Variants in SPG7 observed in about 807,000 individuals in gnomAD.
SPG7 encodes SPG7 matrix AAA peptidase subunit, paraplegin, also known as mitochondrial inner membrane m-AAA protease component paraplegin.
A neutral mutation model predicts 81.9 loss-of-function variants in SPG7; 103 were observed. The observed-to-expected ratio is 1.26, with a 90% CI of 1.07 to 1.48. SPG7 has a LOEUF of 1.48. SPG7 is among the 40% of genes most tolerant of loss of function. The pLI is 0.00. For synonymous variants in SPG7, 534 were observed against 444.2 expected (o/e 1.20, Z -2.54); for missense variants, 1,241 against 1,087.3 (o/e 1.14, Z -1.99).
chr16:89,552,284 C>G (rs1471051769), intron 13 of SPG7: 1 of 153,868 alleles, frequency 6.5e-6, no homozygotes. Flanking sequence ...TAGTCTCGAA[C>G]TCCTGGGCTC....
At chr16:89,536,614 GAGGCGGGTGA>G (rs2058426752) in intron 9 of SPG7, 3 of 852,586 alleles carry the variant, frequency 3.5e-6, no homozygotes, top group African/African-American at 1.8e-5. Context: ...TGAGGTGGGT[GAGGCGGGTGA>G]GGGCGGGTGA....
At chr16:89,528,605 T>C (rs1162113958) in intron 5 of SPG7, 5 of 137,538 alleles carry the variant, frequency 3.6e-5, no homozygotes, top group African/African-American at 8.9e-5. Flanking sequence ...GGGATTTGCT[T>C]TTTTTTTTTT....
At position 89,544,671 on chromosome 16, in the gene SPG7, A is replaced by G. The variant is rs1158198018; in HGVS notation, c.1348A>G (p.Ile450Val). ...MDGMGTTDHV[I>V]VLASTNRADI... ...AGGAATGGGTACCACAGACCATGTC[A>G]TCGTCCTGGCGTCCACGAACCGAGC... Residue 450 changes from isoleucine to valine, a missense_variant, in exon 10 of 17, where the codon ATC becomes GTC. By Grantham distance (29) the Ile-to-Val change is conservative. Transcript: ENST00000645818. 1 of 1,613,890 alleles carries G rather than the reference A, an allele frequency of 6.2e-7. No homozygotes were observed. Among genetic ancestry groups the G allele is most frequent in the South Asian group, 1.1e-5 (1 of 91,076 alleles).
intron 2 of SPG7, among the ~76,000 whole-genome samples, chr16:89,512,458 G>A (rs943068581): frequency 6.6e-6 from 1 of 151,996 alleles, no homozygotes; most frequent in Non-Finnish European, 1.5e-5. Flanking sequence ...GATTACAAGC[G>A]CCTGCCAACA....
At position 89,550,525 on chromosome 16, in the gene SPG7, G is replaced by A. The variant is rs1426006851; in HGVS notation, c.1695G>A (p.Lys565=). 4 of 1,613,824 alleles carry A rather than the reference G, an allele frequency of 2.5e-6. No homozygotes were observed. The highest frequency in any genetic ancestry group is 1.1e-5 in the South Asian group (1 of 91,088). The change falls in exon 13 of 17, where the codon AAG becomes AAA. Residue 565 remains lysine (K), a synonymous_variant. Transcript: ENST00000645818. ...CCAAAAAGAGCAAGATCCTGTCCAA[G>A]GAAGAACAGAAAGTGGTTGCGTTTC... ...GTAKKSKILS[K]EEQKVVAFHE...
In SPG7 at chr16:89,536,530, G is replaced by A. The variant is rs188346844; in HGVS notation, c.1324+3894G>A. ...TGAGGCGGGTGAGGTCAGGTGAGGCGGGTGAGGTCAGGTGAGGCAGGTGAG... is the reference window on the plus strand; with the variant it reads ...TGAGGCGGGTGAGGTCAGGTGAGGCAGGTGAGGTCAGGTGAGGCAGGTGAG... On this transcript the variant is annotated intron_variant, in intron 9 of 16. Coordinates refer to ENST00000645818, the MANE Select transcript of SPG7 (RefSeq NM_003119.4). Among the ~76,000 whole-genome samples, 251 of 104,414 alleles carry A rather than the reference G, an allele frequency of 2.4e-3. 28 individuals carry two copies. The highest frequency in any genetic ancestry group is 7.2e-3 in the African/African-American group (215 of 29,950). The allele number at this position is 104,414 out of a possible 152,430, so 68.5% of individuals were successfully genotyped here.
At chr16:89,537,975 C>A (rs1348172195) in intron 9 of SPG7, 3 of 161,642 alleles carry the variant, frequency 1.9e-5, no homozygotes, top group Non-Finnish European at 3.9e-5. Flanking sequence ...GTCTGACTCA[C>A]AACTCACGCC....
chr16:89,534,430 G>GA (rs1436716674), intron 9 of SPG7, among the ~76,000 whole-genome samples: 1 of 152,212 alleles, frequency 6.6e-6, no homozygotes, highest in Non-Finnish European at 1.5e-5. Context: ...GGTGAATCAG[G>GA]CTGTGTTAAC....
chr16:89,519,830 G>GC (rs2058161608), intron 3 of SPG7: 1 of 152,280 alleles, frequency 6.6e-6, no homozygotes, highest in Non-Finnish European at 1.5e-5. Flanking sequence ...TTCAGGGGCG[G>GC]TTTCCAAGTG....
intron 1 of SPG7, among the ~76,000 whole-genome samples, chr16:89,509,928 A>G (rs1597599844): frequency 6.6e-6 from 1 of 151,036 alleles, no homozygotes; most frequent in Non-Finnish European, 1.5e-5. Context: ...TGCTGGGATT[A>G]CAGACATGAG....
chr16:89,531,523 A>G, intron 7 of SPG7: 1 of 288,116 alleles, frequency 3.5e-6, no homozygotes, highest in South Asian at 3.3e-5. Context: ...ACAGGCGCCC[A>G]CCACCATGCA....
intron 12 of SPG7, chr16:89,549,419 G>T (rs1204257743): frequency 2.8e-6 from 1 of 363,566 alleles, no homozygotes; most frequent in East Asian, 7.3e-5. Flanking sequence ...CAGCACTTTG[G>T]GGGCTGAGGC....
intron 5 of SPG7, 36 bp from the exon 6 acceptor site, chr16:89,529,441 G>A (rs373459287): frequency 3.3e-5 from 47 of 1,425,142 alleles, no homozygotes; most frequent in Non-Finnish European, 4.2e-5. Context: ...ACGTGACACC[G>A]TCTGAGCCTG....
chr16:89,537,709 C>G, intron 9 of SPG7: 29 of 985,010 alleles, frequency 2.9e-5, no homozygotes, highest in Non-Finnish European at 3.3e-5. Flanking sequence ...AAAATAAAGT[C>G]ATCAGCATGT....
chr16:89,534,079 T>C (rs1203856530), intron 9 of SPG7, among the ~76,000 whole-genome samples: 2 of 152,206 alleles, frequency 1.3e-5, no homozygotes, highest in Non-Finnish European at 1.5e-5. Flanking sequence ...ATTCAGTATA[T>C]TCGCACTGTT....
intron 15 of SPG7, 39 bp downstream of exon 15, chr16:89,553,999 C>T (rs1333297190): frequency 1.2e-6 from 2 of 1,604,026 alleles, no homozygotes; most frequent in South Asian, 2.2e-5. Flanking sequence ...CTCTGTGCTC[C>T]CCGGGGAGGG....
At chr16:89,513,651 G>T (rs1274217173) in intron 3 of SPG7, among the ~76,000 whole-genome samples, 1 of 152,250 alleles carries the variant, frequency 6.6e-6, no homozygotes, top group Non-Finnish European at 1.5e-5. Flanking sequence ...GAGCCCAGGA[G>T]TTGGAGGCTC....
At chr16:89,514,308 CTTTTTTTTTTTTTTTTTTTT>C (rs148270097) in intron 3 of SPG7, 3 of 48,442 alleles carry the variant, frequency 6.2e-5, no homozygotes, top group African/African-American at 1.8e-4. Flanking sequence ...TGTCCTTTGA[CTTTTTTTTTTTTTTTTTTTT>C]TTTTTTTTTT....
intron 14 of SPG7, 199 bp downstream of exon 14, chr16:89,553,334 C>G (rs1184489299): frequency 1.6e-6 from 1 of 642,956 alleles, no homozygotes; most frequent in Non-Finnish European, 2.7e-6. Context: ...TGGACAAAAA[C>G]TTAACCTATA....
Sources: allele counts gnomAD v4.1 joint callset (sites outside exome capture counted in the v4.1 genomes callset), GRCh38; gene constraint gnomAD v4.1.1; transcripts MANE v1.5; gene names NCBI Gene and HGNC (gene_info 2026-07-23, HGNC 2026-07-21).